The following SUPT3H variants were observed in gnomAD, a reference collection of about 807,000 sequenced individuals.
The protein encoded by SUPT3H is SPT3 homolog, SAGA and STAGA complex component.
SUPT3H carries 44 observed loss-of-function variants against 44.3 expected under a neutral mutation model. The ratio of observed to expected loss-of-function variants is 0.99; its 90% CI spans 0.78 to 1.28. SUPT3H has a LOEUF of 1.28. SUPT3H is among the 50% of genes most tolerant of loss of function. The pLI is 0.00. For synonymous variants in SUPT3H, 124 were observed against 125.6 expected, an observed-to-expected ratio of 0.99 and a Z score of 0.09; for missense variants, 380 against 387.1, an observed-to-expected ratio of 0.98 and a Z score of 0.15.
At chr6:45,352,786 C>T (rs1222213453) in intron 2 of SUPT3H, among the ~76,000 whole-genome samples, 1 of 151,820 alleles carries the variant, frequency 6.6e-6, no homozygotes, top group Non-Finnish European at 1.5e-5. Context: ...CATTAAATAC[C>T]TTTATTCTTT....
chr6:44,932,149 C>T (rs1010986584), intron 10 of SUPT3H, among the ~76,000 whole-genome samples: 1 of 152,056 alleles, frequency 6.6e-6, no homozygotes, highest in Non-Finnish European at 1.5e-5. Flanking sequence ...CCCATTAAAA[C>T]AACACAAAAC....
intron 2 of SUPT3H, among the ~76,000 whole-genome samples, chr6:45,342,228 GA>G (rs34136015): frequency 6.7e-6 from 1 of 149,136 alleles, no homozygotes; most frequent in Non-Finnish European, 1.5e-5. Flanking sequence ...TGTGCCTAGT[GA>G]AAAAAAAATA....
intron 4 of SUPT3H, among the ~76,000 whole-genome samples, chr6:45,016,645 C>T (rs959900785): frequency 4.6e-5 from 7 of 151,890 alleles, no homozygotes; most frequent in Admixed American, 1.3e-4. Context: ...TTTCCAATTT[C>T]ATCCATGTCC....
At chr6:45,339,432 T>G (rs1789303836) in intron 2 of SUPT3H, among the ~76,000 whole-genome samples, 1 of 152,194 alleles carries the variant, frequency 6.6e-6, no homozygotes, top group Non-Finnish European at 1.5e-5. Context: ...CCAAAATATA[T>G]TAATTCCAAA....
chr6:44,906,790 G>T (rs926171900), intron 10 of SUPT3H, among the ~76,000 whole-genome samples: 1 of 152,012 alleles, frequency 6.6e-6, no homozygotes, highest in Non-Finnish European at 1.5e-5. Context: ...ATTCACAAGG[G>T]TTCCCAGTCT....
At chr6:45,311,335 A>G (rs1465033142) in intron 2 of SUPT3H, among the ~76,000 whole-genome samples, 1 of 152,212 alleles carries the variant, frequency 6.6e-6, no homozygotes, top group Non-Finnish European at 1.5e-5. Flanking sequence ...CAGACCTAAG[A>G]ATAATCAGTG....
At chr6:44,913,947 TTAAA>T (rs1767436188) in intron 10 of SUPT3H, among the ~76,000 whole-genome samples, 1 of 152,188 alleles carries the variant, frequency 6.6e-6, no homozygotes, top group African/African-American at 2.4e-5. Context: ...TGAGTCCTCA[TTAAA>T]TATTTTCCAT....
intron 3 of SUPT3H, among the ~76,000 whole-genome samples, chr6:45,041,155 T>A (rs999616046): frequency 1.3e-5 from 2 of 152,086 alleles, no homozygotes; most frequent in African/African-American, 2.4e-5. Flanking sequence ...GGGGCTTCCA[T>A]TACGTTAGGG....
chr6:45,024,601 G>A (rs753030470), intron 3 of SUPT3H, among the ~76,000 whole-genome samples: 1 of 151,746 alleles, frequency 6.6e-6, no homozygotes, highest in Non-Finnish European at 1.5e-5. Flanking sequence ...CTACATTTAG[G>A]CTCCAATAAT....
chr6:44,858,953 GA>G (rs927814490), intron 10 of SUPT3H, among the ~76,000 whole-genome samples: 2 of 151,970 alleles, frequency 1.3e-5, no homozygotes, highest in South Asian at 4.1e-4. Flanking sequence ...AAAGATAAAA[GA>G]AAAAAAGAAT....
intron 2 of SUPT3H, among the ~76,000 whole-genome samples, chr6:45,258,797 T>C (rs1367851867): frequency 6.6e-6 from 1 of 152,158 alleles, no homozygotes; most frequent in Non-Finnish European, 1.5e-5. Context: ...TTATGTGGAA[T>C]TTAAAGCTGA....
In SUPT3H at chr6:45,095,133, G is replaced by A. The variant is rs1361729121; in HGVS notation, c.186+10789C>T. On this transcript the variant is annotated intron_variant, in intron 3 of 10. Transcript: ENST00000371459. The surrounding 1 kb of genome is among the most constrained non-coding windows in gnomAD (Gnocchi z 4.1). ...TGCTGAACTACATATACATGCTCTG[G>A]CTTAGTACAAAGTATGAACGTTTAG... Among the ~76,000 whole-genome samples the A allele has an allele frequency of 6.6e-6, 1 of 151,990 alleles. No homozygotes were observed. The highest frequency in any genetic ancestry group is 1.5e-5 in the Non-Finnish European group (1 of 67,954).
At chr6:44,934,541 T>A (rs776752010) in intron 9 of SUPT3H, among the ~76,000 whole-genome samples, 22 of 152,170 alleles carry the variant, frequency 1.4e-4, no homozygotes, top group Non-Finnish European at 2.6e-4. Context: ...CTAAAATTTG[T>A]ACGTTGAAAT....
chr6:44,960,332 CAGGAGG>C (rs547229274), intron 7 of SUPT3H, among the ~76,000 whole-genome samples: 3 of 145,108 alleles, frequency 2.1e-5, no homozygotes, highest in Non-Finnish European at 3.0e-5. Flanking sequence ...CACTTGAACC[CAGGAGG>C]AGGAGGAGGA....
intron 3 of SUPT3H, among the ~76,000 whole-genome samples, chr6:45,026,780 T>C (rs185415325): frequency 0.018 from 2,674 of 152,214 alleles, 52 homozygotes; most frequent in South Asian, 0.086. Flanking sequence ...AAAGATTTAG[T>C]GTTCTTAGAC....
At chr6:45,178,145 AC>A (rs1281445015) in intron 2 of SUPT3H, among the ~76,000 whole-genome samples, 1 of 152,102 alleles carries the variant, frequency 6.6e-6, no homozygotes, top group African/African-American at 2.4e-5. Context: ...AAGAGTCAAG[AC>A]CCATCAGTGT....
chr6:45,326,798 C>T (rs1786419564), intron 2 of SUPT3H, among the ~76,000 whole-genome samples: 1 of 151,870 alleles, frequency 6.6e-6, no homozygotes, highest in African/African-American at 2.4e-5. Flanking sequence ...TTCTAACACC[C>T]TCCTGTCTCC....
chr6:45,153,500 A>C (rs1178932382), intron 2 of SUPT3H, among the ~76,000 whole-genome samples: 1 of 152,256 alleles, frequency 6.6e-6, no homozygotes, highest in Non-Finnish European at 1.5e-5. Flanking sequence ...CTGATGACTC[A>C]ACCTGCATAG....
At chr6:45,089,825 C>T (rs965633961) in intron 3 of SUPT3H, among the ~76,000 whole-genome samples, 1 of 151,918 alleles carries the variant, frequency 6.6e-6, no homozygotes, top group African/African-American at 2.4e-5. Context: ...TTTCACAGTT[C>T]GATATAAAAT....
Sources: allele counts gnomAD v4.1 joint callset (sites outside exome capture counted in the v4.1 genomes callset), GRCh38; gene constraint gnomAD v4.1.1; non-coding constraint Gnocchi (gnomAD v3.1); transcripts MANE v1.5; gene names NCBI Gene and HGNC (gene_info 2026-07-23, HGNC 2026-07-21).